Variants in CELSR1 observed in about 807,000 individuals in gnomAD.
CELSR1 encodes the protein adhesion G protein-coupled receptor C1.
In CELSR1, 110 loss-of-function variants were observed where a neutral mutation model predicts 249.1. The observed-to-expected ratio is 0.44, with a 90% confidence interval of 0.38 to 0.52. The LOEUF (loss-of-function observed/expected upper bound fraction) is 0.52, where lower values mean the gene tolerates loss of function less well. Among genes scored for constraint, CELSR1 ranks in the 20% least tolerant of loss-of-function variants. The pLI, the probability that CELSR1 is intolerant of heterozygous loss-of-function variation, is 0.00. For synonymous variants in CELSR1, 2,113 were observed against 1,900.0 expected, an observed-to-expected ratio of 1.11 and a Z score of -2.92; for missense variants, 4,109 against 4,296.4, an observed-to-expected ratio of 0.96 and a Z score of 1.22.
chr22:46,456,137 A>T (rs1435142943), intron 2 of CELSR1, among the ~76,000 whole-genome samples: 1 of 152,258 alleles, frequency 6.6e-6, no homozygotes, highest in East Asian at 1.9e-4. Context: ...AAGTTTAAGG[A>T]CTAACTGCGA....
At position 46,434,876 on chromosome 22, in the gene CELSR1, A is replaced by G. The variant is rs1427076120; in HGVS notation, c.4522+1298T>C. Reference sequence around the variant, plus strand: ...GCCGGGCATGGTGAAACGTGCCTGTATTCCCAGCTACTGGAGAGGCTGAGG... The same window carrying G: ...GCCGGGCATGGTGAAACGTGCCTGTGTTCCCAGCTACTGGAGAGGCTGAGG... On this transcript the variant is annotated intron_variant, in intron 4 of 34. Coordinates refer to ENST00000674500, the MANE Select transcript of CELSR1 (RefSeq NM_001378328.1). This position sits in a 1 kb window ranked among gnomAD's most constrained non-coding sequence, Gnocchi z 4.9. Among the ~76,000 whole-genome samples the G allele has an allele frequency of 2.0e-5, 3 of 152,164 alleles. No individual in the cohort carries two copies. The highest frequency in any genetic ancestry group is 7.2e-5 in the African/African-American group (3 of 41,448).
At position 46,506,266 on chromosome 22, in the gene CELSR1, G is replaced by A. The variant is rs535710877; in HGVS notation, c.3544+27361C>T. Among the ~76,000 whole-genome samples, 26 of 152,206 alleles carry A rather than the reference G, an allele frequency of 1.7e-4. No individual in the cohort carries two copies. In the South Asian group the frequency reaches 5.4e-3, roughly 32 times the overall value. ...GCTGGGTTCTGGATGGACATGCAGAGCACCCGCCATGATCCCTCCAAGCCT... is the reference window on the plus strand; with the variant it reads ...GCTGGGTTCTGGATGGACATGCAGAACACCCGCCATGATCCCTCCAAGCCT... On this transcript the variant is annotated intron_variant, in intron 1 of 34. Transcript: ENST00000674500. The surrounding 1 kb of genome is among the most constrained non-coding windows in gnomAD (Gnocchi z 4.1).
chr22:46,416,384 C>T (rs571671827), intron 5 of CELSR1, among the ~76,000 whole-genome samples: 1 of 152,208 alleles, frequency 6.6e-6, no homozygotes, highest in Non-Finnish European at 1.5e-5. Context: ...AGGACCCCCC[C>T]CAACCCCTGC....
In CELSR1 at chr22:46,396,777, C is replaced by T; in HGVS notation, c.5702-31G>A. The T allele has an allele frequency of 6.2e-7, 1 of 1,604,318 alleles. No homozygotes were observed. The highest frequency in any genetic ancestry group is 8.5e-7 in the Non-Finnish European group (1 of 1,175,632). On this transcript the variant is annotated intron_variant, in intron 12 of 34. Transcript: ENST00000674500. The surrounding 1 kb of genome is among the most constrained non-coding windows in gnomAD (Gnocchi z 6.4). The stretch of plus-strand genomic sequence containing the variant: ...AGGACAGAGCCAGCATTACCTCCAC[C>T]CACAATCCACGAGACCTTCCACGTT...
Position 46,406,677 on chromosome 22 carries a change from AGAGAAGG to A in CELSR1, c.5226+2312_5226+2318del, listed in dbSNP as rs1333653057. On this transcript the variant is annotated intron_variant, in intron 9 of 34. Coordinates refer to ENST00000674500, the MANE Select transcript of CELSR1 (RefSeq NM_001378328.1). This position sits in a 1 kb window ranked among gnomAD's most constrained non-coding sequence, Gnocchi z 5.4. ...TAGATGGGCTGTCCTTAGGAGTGAC[AGAGAAGG>A]GCCTGTGGCTGTCCCAGGAACCTGG... is the stretch of plus-strand genomic sequence containing the variant. 6.6e-6 allele frequency among the ~76,000 whole-genome samples: 1 copy of A among 152,232 alleles called. No homozygotes were observed. Among genetic ancestry groups the A allele is most frequent in the Non-Finnish European group, 1.5e-5 (1 of 68,034 alleles).
chr22:46,509,394 C>A (rs2080549287), intron 1 of CELSR1, among the ~76,000 whole-genome samples: 1 of 152,214 alleles, frequency 6.6e-6, no homozygotes, highest in Non-Finnish European at 1.5e-5. Flanking sequence ...CCAGCCTCCT[C>A]TCTACCTGGG....
rs987321220 is a variant in CELSR1, at chr22:46,462,925, T to G, written c.4183+782A>C. On this transcript the variant is annotated intron_variant, in intron 2 of 34. Coordinates refer to ENST00000674500, the MANE Select transcript of CELSR1 (RefSeq NM_001378328.1). ...AGGATGAGTCACGAAATTTCTACGG[T>G]GACAGGGAGGCATGAAAAAACAGGA... 26 of 467,822 alleles carry G rather than the reference T, an allele frequency of 5.6e-5. 1 individual carries two copies. The highest frequency in any genetic ancestry group is 4.3e-4 in the East Asian group (6 of 14,066). The allele number at this position is 467,822 out of a possible 1,614,324, so 29.0% of individuals were successfully genotyped here. A position where few individuals can be genotyped will look rare whatever the true frequency, so the allele number is the denominator to read the frequency against.
intron 5 of CELSR1, among the ~76,000 whole-genome samples, chr22:46,414,934 G>C (rs116411571): frequency 0.032 from 4,861 of 152,222 alleles, 240 homozygotes; most frequent in African/African-American, 0.1. Context: ...CACCGGAATC[G>C]CAGCCACCGA....
Position 46,393,865 on chromosome 22 carries a change from GAGGC to G in CELSR1, c.5964+273_5964+276del, listed in dbSNP as rs2079120613. ...ACAGCCATGGGCAGTAGGCCGGGAG[GAGGC>G]AGGGATTCCTGTTCCACGGGCGGGG... On this transcript the variant is annotated intron_variant, in intron 14 of 34. Transcript: ENST00000674500. This position sits in a 1 kb window ranked among gnomAD's most constrained non-coding sequence, Gnocchi z 4.1. Among the ~76,000 whole-genome samples the G allele has an allele frequency of 6.6e-6, 1 of 152,240 alleles. No individual in the cohort carries two copies. Among genetic ancestry groups the G allele is most frequent in the Non-Finnish European group, 1.5e-5 (1 of 68,052 alleles).
intron 1 of CELSR1, among the ~76,000 whole-genome samples, chr22:46,516,838 C>G (rs1176292969): frequency 6.6e-6 from 1 of 152,238 alleles, no homozygotes; most frequent in Non-Finnish European, 1.5e-5. Flanking sequence ...GGGGTGGGGA[C>G]TGGCAGGAAG....
rs1158530249 is a variant in CELSR1 at position 46,500,421 on chromosome 22, G to A, written c.3544+33206C>T. Among the ~76,000 whole-genome samples the A allele has an allele frequency of 6.6e-6, 1 of 152,170 alleles. No individual in the cohort carries two copies. The highest frequency in any genetic ancestry group is 1.5e-5 in the Non-Finnish European group (1 of 68,050). On this transcript the variant is annotated intron_variant, in intron 1 of 34. Coordinates refer to ENST00000674500, the MANE Select transcript of CELSR1 (RefSeq NM_001378328.1). This position sits in a 1 kb window ranked among gnomAD's most constrained non-coding sequence, Gnocchi z 4.9. ...GCGGTAACCATGGAAACTGGCAGTC[G>A]GTGCAGGAGGGCGAACGGTTGATGG...
At position 46,380,933 on chromosome 22, in the gene CELSR1, T is replaced by A; in HGVS notation, c.7111A>T (p.Asn2371Tyr). 2 of 1,611,530 alleles carry A rather than the reference T, an allele frequency of 1.2e-6. No homozygotes were observed. Among genetic ancestry groups the A allele is most frequent in the Non-Finnish European group, 8.5e-7 (1 of 1,178,084 alleles). ...SLRLPHRPII[N>Y]TPMVSTLVYS... ...ACCAGCGTGCTCACCATCGGGGTAT[T>A]AATGATGGGCCGGTGAGGCAACCTG... Residue 2371 changes from asparagine (N) to tyrosine (Y), a missense_variant, in exon 22 of 35, where the codon AAT becomes TAT. By Grantham distance (143) the Asn-to-Tyr change is moderately radical (BLOSUM62 -2). This residue lies in a region of CELSR1 where 1,805 missense variants were observed against 1,831.6 expected (regional missense o/e 0.99). Transcript: ENST00000674500. The surrounding 1 kb of genome is among the most constrained non-coding windows in gnomAD (Gnocchi z 5.1).
At chr22:46,365,525 G>A (rs893739429) in intron 31 of CELSR1, 61 bp downstream of exon 31, 19 of 1,542,318 alleles carry the variant, frequency 1.2e-5, no homozygotes, top group Non-Finnish European at 1.7e-5. Flanking sequence ...AGTCTGTCCA[G>A]TGACCGAAGG....
chr22:46,386,387 C>A lies in CELSR1; in HGVS notation c.6739+15G>T. On this transcript the variant is annotated intron_variant, in intron 19 of 34. Transcript: ENST00000674500. Reference sequence around the variant, plus strand: ...TGGTAGCAGGGTTCCACCCCCAACGCAGCCAGCGCCTTACTCATGTTGGCG... The same window carrying A: ...TGGTAGCAGGGTTCCACCCCCAACGAAGCCAGCGCCTTACTCATGTTGGCG... The A allele has an allele frequency of 1.3e-6, 2 of 1,534,524 alleles. No homozygotes were observed. The highest frequency in any genetic ancestry group is 8.8e-7 in the Non-Finnish European group (1 of 1,138,424).
rs533486274 is a variant in CELSR1, at chr22:46,391,957, T to C, written c.5965-141A>G. On this transcript the variant is annotated intron_variant, in intron 14 of 34. Transcript: ENST00000674500. This position sits in a 1 kb window ranked among gnomAD's most constrained non-coding sequence, Gnocchi z 4.3. Reference sequence around the variant, plus strand: ...GCCATCCCACCCCTCATGGCTACCCTCTGCCCACATCCCACACCCAACGGG... The same window carrying C: ...GCCATCCCACCCCTCATGGCTACCCCCTGCCCACATCCCACACCCAACGGG... 3.6e-4 allele frequency: 309 copies of C among 865,564 alleles called. 3 individuals are homozygous for C. In the South Asian group the frequency reaches 5.4e-3, roughly 15 times the overall value. 53.6% of individuals were successfully genotyped at this position (865,564 alleles called of 1,614,324 possible).
Position 46,396,856 on chromosome 22 carries a change from C to T in CELSR1, c.5702-110G>A, listed in dbSNP as rs1300892343. 1 of 1,411,664 alleles carries T rather than the reference C, an allele frequency of 7.1e-7. No individual in the cohort carries two copies. The highest frequency in any genetic ancestry group is 9.7e-7 in the Non-Finnish European group (1 of 1,032,274). 87.4% of individuals were successfully genotyped at this position (1,411,664 alleles called of 1,614,324 possible). ...AGAAGATCTGACTTTCCCTGGTACTCAGCAGAGGGAAGAGGAAGAGTGCCA... is the reference window on the plus strand; with the variant it reads ...AGAAGATCTGACTTTCCCTGGTACTTAGCAGAGGGAAGAGGAAGAGTGCCA... On this transcript the variant is annotated intron_variant, in intron 12 of 34. Transcript: ENST00000674500. This position sits in a 1 kb window ranked among gnomAD's most constrained non-coding sequence, Gnocchi z 6.4.
In CELSR1 at chr22:46,500,474, T is replaced by C. The variant is rs1365879885; in HGVS notation, c.3544+33153A>G. Among the ~76,000 whole-genome samples, 2 of 152,128 alleles carry C rather than the reference T, an allele frequency of 1.3e-5. No homozygotes were observed. The highest frequency in any genetic ancestry group is 6.6e-5 in the Admixed American group (1 of 15,264). ...AACCATGGGGACAATGGCAAGGCTC[T>C]GGGCTTATTCAGATGACTGGGGTGT... is the stretch of plus-strand genomic sequence containing the variant. On this transcript the variant is annotated intron_variant, in intron 1 of 34. Coordinates refer to ENST00000674500, the MANE Select transcript of CELSR1 (RefSeq NM_001378328.1). This position sits in a 1 kb window ranked among gnomAD's most constrained non-coding sequence, Gnocchi z 4.9.
chr22:46,408,718 C>A lies in CELSR1; in HGVS notation c.5226+278G>T, dbSNP rs976020917. Among the ~76,000 whole-genome samples the A allele has an allele frequency of 6.6e-6, 1 of 152,236 alleles. No individual in the cohort carries two copies. The highest frequency in any genetic ancestry group is 2.4e-5 in the African/African-American group (1 of 41,468). ...CTCCCTCAGTTCTGCAATGCCCACG[C>A]TCCAGCCAAACCCTCAGGCTAGAGG... On this transcript the variant is annotated intron_variant, in intron 9 of 34. Transcript: ENST00000674500. This position sits in a 1 kb window ranked among gnomAD's most constrained non-coding sequence, Gnocchi z 4.6.
chr22:46,447,287 A>T lies in CELSR1; in HGVS notation c.4184-7876T>A, dbSNP rs568000644. Among the ~76,000 whole-genome samples, 1 of 152,266 alleles carries T rather than the reference A, an allele frequency of 6.6e-6. No individual in the cohort carries two copies. The highest frequency in any genetic ancestry group is 6.5e-5 in the Admixed American group (1 of 15,308). ...CTCTGTATCTTTTATTTTCTAATAGAGCTTTTATAAGACACACTATTTTCA... is the reference window on the plus strand; with the variant it reads ...CTCTGTATCTTTTATTTTCTAATAGTGCTTTTATAAGACACACTATTTTCA... On this transcript the variant is annotated intron_variant, in intron 2 of 34. Transcript: ENST00000674500. This position sits in a 1 kb window ranked among gnomAD's most constrained non-coding sequence, Gnocchi z 4.7.
Sources: gnomAD v4.1 joint callset for allele counts (sites outside exome capture counted in the v4.1 genomes callset) on GRCh38, gnomAD v4.1.1 for gene constraint, gnomAD v4.1.1 regional missense constraint, Gnocchi (gnomAD v3.1) non-coding constraint, MANE v1.5 for transcripts, NCBI Gene and HGNC (gene_info 2026-07-23, HGNC 2026-07-21) for gene names.